PICK1: variants seen among roughly 807,000 people sequenced by gnomAD.
PICK1 encodes PRKCA-binding protein.
A neutral mutation model predicts 48.9 loss-of-function variants in PICK1; 23 were observed. The observed-to-expected ratio is 0.47, with a 90% CI of 0.34 to 0.67. PICK1 has a LOEUF of 0.67. PICK1 is among the 30% of genes least tolerant of loss of function. PICK1 has a pLI of 0.01. For synonymous variants in PICK1, 217 were observed against 228.2 expected, an observed-to-expected ratio of 0.95 and a Z score of 0.44; for missense variants, 423 against 557.1, an observed-to-expected ratio of 0.76 and a Z score of 2.42.
rs1352067540 is a variant in PICK1 at position 38,066,827 on chromosome 22, C to A, written c.283-877C>A. On this transcript the variant is annotated intron_variant, in intron 4 of 12. Transcript: ENST00000356976. The surrounding 1 kb of genome is among the most constrained non-coding windows in gnomAD (Gnocchi z 4.1). The stretch of plus-strand genomic sequence containing the variant: ...TGCAAGGATGAGAGTGAACACAGCG[C>A]CCTCCCGTGCTCAGGCAAGTCCTCT... Among the ~76,000 whole-genome samples, 2 of 152,244 alleles carry A rather than the reference C, an allele frequency of 1.3e-5. No individual in the cohort carries two copies. The highest frequency in any genetic ancestry group is 2.9e-5 in the Non-Finnish European group (2 of 68,042).
rs1179596051 is a variant in PICK1 at position 38,057,495 on chromosome 22, C to T, written c.-150C>T. 2 of 401,154 alleles carry T rather than the reference C, an allele frequency of 5.0e-6. No individual in the cohort carries two copies. Among genetic ancestry groups the T allele is most frequent in the African/African-American group, 2.0e-5 (1 of 49,852 alleles). The allele number at this position is 401,154 out of a possible 1,614,324, so 24.8% of individuals were successfully genotyped here. A position where few individuals can be genotyped will look rare whatever the true frequency, so the allele number is the denominator to read the frequency against. On this transcript the variant is annotated 5_prime_UTR_variant, in exon 1 of 13. Coordinates refer to ENST00000356976, the MANE Select transcript of PICK1 (RefSeq NM_012407.4). ...CTGTGGGACCAACGCTTCCGGTGAG[C>T]GACAGAGGCAGCTCCCCAGGGCCTG... is the stretch of plus-strand genomic sequence containing the variant.
Position 38,072,876 on chromosome 22 carries a change from TC to T in PICK1, c.691-123del, listed in dbSNP as rs2085736256. On this transcript the variant is annotated intron_variant, in intron 9 of 12. Coordinates refer to ENST00000356976, the MANE Select transcript of PICK1 (RefSeq NM_012407.4). ...TCTCATCCTTGAGAGGGACAAGGCATCAGGGAGCACCATCTGGCTCTGATAG... is the reference window on the plus strand; with the variant it reads ...TCTCATCCTTGAGAGGGACAAGGCATAGGGAGCACCATCTGGCTCTGATAG... 7 of 849,192 alleles carry T rather than the reference TC, an allele frequency of 8.2e-6. No individual in the cohort carries two copies. The South Asian group carries it at 9.4e-5, about 11-fold the overall frequency. The allele number at this position is 849,192 out of a possible 1,614,324, so 52.6% of individuals were successfully genotyped here.
rs1347494007 is a variant in PICK1, at chr22:38,057,878, G to A, written c.41+28G>A. 4 of 1,586,192 alleles carry A rather than the reference G, an allele frequency of 2.5e-6. No individual in the cohort carries two copies. In the South Asian group the frequency reaches 4.4e-5, roughly 18 times the overall value. On this transcript the variant is annotated intron_variant, in intron 2 of 12. Coordinates refer to ENST00000356976, the MANE Select transcript of PICK1 (RefSeq NM_012407.4). ...GAGTATTTTATTCCCCCAAGTTCCA[G>A]CAGTATAGGAGCCCCAAGTTCCTCA...
chr22:38,059,139 G>T, intron 2 of PICK1, 95 bp from the exon 3 acceptor site: 1 of 833,606 alleles, frequency 1.2e-6, no homozygotes, highest in Non-Finnish European at 2.0e-6. Context: ...GAAAAAGCTG[G>T]GCAGCCAGTG....
At chr22:38,062,581 C>G (rs1434475129) in intron 3 of PICK1, among the ~76,000 whole-genome samples, 1 of 152,094 alleles carries the variant, frequency 6.6e-6, no homozygotes, top group Non-Finnish European at 1.5e-5. Flanking sequence ...GCCCTGTAGT[C>G]TCTCCCCCTT....
chr22:38,059,027 C>T (rs907212503), intron 2 of PICK1, among the ~76,000 whole-genome samples: 1 of 152,146 alleles, frequency 6.6e-6, no homozygotes, highest in Non-Finnish European at 1.5e-5. Flanking sequence ...CCAAGTTCCA[C>T]AGCTGATAAA....
chr22:38,071,363 A>G (rs551267665), intron 7 of PICK1, among the ~76,000 whole-genome samples: 2 of 152,208 alleles, frequency 1.3e-5, no homozygotes, highest in South Asian at 4.1e-4. Context: ...AAAACCTGAT[A>G]CTCATAAAAA....
intron 3 of PICK1, among the ~76,000 whole-genome samples, chr22:38,063,161 CTT>C (rs774428983): frequency 1.4e-5 from 2 of 145,814 alleles, no homozygotes; most frequent in Non-Finnish European, 1.5e-5. Context: ...ACCATCTTAA[CTT>C]TTTTTTTTTT....
At chr22:38,072,723 C>A in intron 9 of PICK1, 113 bp downstream of exon 9, 2 of 1,446,072 alleles carry the variant, frequency 1.4e-6, no homozygotes, top group Non-Finnish European at 1.9e-6. Flanking sequence ...GCCTCTGGCT[C>A]AGTCACCCAC....
At chr22:38,067,672 C>T (rs771404827) in intron 4 of PICK1, 32 bp from the exon 5 acceptor site, 11 of 1,598,360 alleles carry the variant, frequency 6.9e-6, no homozygotes, top group East Asian at 2.2e-5. Context: ...TGTGGAGCCT[C>T]GCTCACTAGT....
At chr22:38,067,233 C>G (rs561145925) in intron 4 of PICK1, among the ~76,000 whole-genome samples, 1 of 151,860 alleles carries the variant, frequency 6.6e-6, no homozygotes, top group African/African-American at 2.4e-5. Flanking sequence ...AAGGGAGGGG[C>G]CTGGGATCAG....
At chr22:38,070,734 T>C in intron 6 of PICK1, 104 bp from the exon 7 acceptor site, 2 of 954,292 alleles carry the variant, frequency 2.1e-6, no homozygotes, top group Non-Finnish European at 3.4e-6. Context: ...ATCTTTCCCT[T>C]CCTGGTTCTC....
chr22:38,072,510 G>A lies in PICK1; in HGVS notation c.590G>A (p.Arg197Gln), dbSNP rs138517790. 2.9e-4 allele frequency: 466 copies of A among 1,613,436 alleles called. 1 individual carries two copies. Among genetic ancestry groups the A allele is most frequent in the Non-Finnish European group, 3.8e-4 (450 of 1,180,040 alleles). Residue 197 changes from arginine (R) to glutamine (Q), a missense_variant, in exon 9 of 13, where the codon CGG becomes CAG. Around this residue, in one of 2 missense-constraint regions of PICK1, gnomAD observed 279 missense variants for 417.8 expected, o/e 0.67. Coordinates refer to ENST00000356976, the MANE Select transcript of PICK1 (RefSeq NM_012407.4). ...FGDVFSVIGV[R>Q]EPQPAASEAF... ...GACGTGTTCTCCGTGATCGGGGTGC[G>A]GGAGCCCCAGCCAGCTGCGAGCGAG...
rs376461202 is a variant in PICK1 at position 38,065,061 on chromosome 22, C to T, written c.213C>T (p.Thr71=). The T allele has an allele frequency of 2.7e-4, 443 of 1,613,910 alleles. No individual in the cohort carries two copies. The highest frequency in any genetic ancestry group is 3.5e-4 in the Non-Finnish European group (411 of 1,179,970). Residue 71 remains threonine, a synonymous_variant, in exon 4 of 13, where the codon ACC becomes ACT. Transcript: ENST00000356976. ...CAGTGGCAGCTGGCGATGAGATCAC[C>T]GGTGTCAATGGCAGGTCAATCAAAG... ...DGTVAAGDEI[T]GVNGRSIKGK... is the part of the protein sequence containing the mutation.
intron 3 of PICK1, among the ~76,000 whole-genome samples, chr22:38,063,811 T>A (rs2085462690): frequency 1.3e-5 from 2 of 151,852 alleles, no homozygotes; most frequent in South Asian, 4.2e-4. Context: ...CCCAGCTAAT[T>A]TTCGTGTTTT....
intron 3 of PICK1, among the ~76,000 whole-genome samples, chr22:38,060,138 A>G (rs912405222): frequency 6.6e-6 from 1 of 152,162 alleles, no homozygotes; most frequent in African/African-American, 2.4e-5. Context: ...TTGAACCTGG[A>G]AAGTAGAGGT....
intron 6 of PICK1, among the ~76,000 whole-genome samples, chr22:38,070,483 G>T (rs1236405284): frequency 6.6e-6 from 1 of 152,264 alleles, no homozygotes; most frequent in Non-Finnish European, 1.5e-5. Context: ...TGAGCCATCT[G>T]TGTGCTTGGG....
intron 3 of PICK1, among the ~76,000 whole-genome samples, chr22:38,062,688 CCT>C (rs2085433898): frequency 6.8e-6 from 1 of 148,116 alleles, no homozygotes; most frequent in East Asian, 2.0e-4. Context: ...AGAATATCCT[CCT>C]GTAGCTTTCT....
intron 2 of PICK1, among the ~76,000 whole-genome samples, chr22:38,058,988 CAA>C (rs1369882707): frequency 6.6e-6 from 1 of 152,106 alleles, no homozygotes; most frequent in African/African-American, 2.4e-5. Flanking sequence ...GCCTGGGCAA[CAA>C]GAGTAAGACT....
Sources: gnomAD v4.1 joint callset for allele counts (sites outside exome capture counted in the v4.1 genomes callset) on GRCh38, gnomAD v4.1.1 for gene constraint, gnomAD v4.1.1 regional missense constraint, Gnocchi (gnomAD v3.1) non-coding constraint, MANE v1.5 for transcripts, NCBI Gene and HGNC (gene_info 2026-07-23, HGNC 2026-07-21) for gene names.